Variants in GTF2H1 observed in about 807,000 individuals in gnomAD.
GTF2H1 encodes the protein general transcription factor IIH subunit 1, also known as BTF2 p62.
In GTF2H1, 16 loss-of-function variants were observed where a neutral mutation model predicts 71.2. The observed-to-expected ratio is 0.22, with a 90% CI of 0.15 to 0.34. The LOEUF is 0.34. Among genes scored for constraint, GTF2H1 ranks in the 10% least tolerant of loss-of-function variants. The probability of loss-of-function intolerance (pLI) is 1.00; values close to 1 mark genes in which losing one functional copy is unlikely to be tolerated. For synonymous variants in GTF2H1, 215 were observed against 219.0 expected, an observed-to-expected ratio of 0.98 and a Z score of 0.16; for missense variants, 498 against 648.2, an observed-to-expected ratio of 0.77 and a Z score of 2.52.
Position 18,366,538 on chromosome 11 carries a change from G to A in GTF2H1, c.*669G>A, listed in dbSNP as rs1012118500. On this transcript the variant is annotated 3_prime_UTR_variant, in exon 15 of 15. Transcript: ENST00000265963. ...ACGGAAATAAGAAACGATAAATATTGCACTGAATGTTTGTGGTTTGGAGTC... is the reference window on the plus strand; with the variant it reads ...ACGGAAATAAGAAACGATAAATATTACACTGAATGTTTGTGGTTTGGAGTC... 1.3e-5 allele frequency: 2 copies of A among 152,590 alleles called. No homozygotes were observed. Among genetic ancestry groups the A allele is most frequent in the East Asian group, 1.9e-4 (1 of 5,198 alleles). The allele number at this position is 152,590 out of a possible 1,614,324, so 9.5% of individuals were successfully genotyped here. A position where few individuals can be genotyped will look rare whatever the true frequency, so the allele number is the denominator to read the frequency against.
intron 2 of GTF2H1, among the ~76,000 whole-genome samples, chr11:18,334,717 TATC>T (rs1437274275): frequency 3.9e-5 from 6 of 152,248 alleles, no homozygotes; most frequent in Non-Finnish European, 8.8e-5. Context: ...ATTTAGTTCT[TATC>T]ATAGCTGACA....
intron 5 of GTF2H1, 118 bp from the exon 6 acceptor site, chr11:18,341,138 TTATAG>T (rs1392003278): frequency 3.0e-6 from 2 of 672,962 alleles, no homozygotes; most frequent in South Asian, 2.0e-5. Context: ...AGATTATAAC[TTATAG>T]TATGTAGAGT....
At chr11:18,332,557 G>A (rs187707836) in intron 1 of GTF2H1, 3 of 152,402 alleles carry the variant, frequency 2.0e-5, no homozygotes, top group African/African-American at 7.2e-5. Context: ...TAAATATTTA[G>A]TTCTCTCAGT....
intron 7 of GTF2H1, among the ~76,000 whole-genome samples, chr11:18,344,738 G>T (rs1401724507): frequency 6.6e-6 from 1 of 151,832 alleles, no homozygotes; most frequent in African/African-American, 2.4e-5. Flanking sequence ...AAGACTGCTA[G>T]ATTTGGCTCC....
chr11:18,340,551 G>C (rs993307315), intron 5 of GTF2H1, among the ~76,000 whole-genome samples: 1 of 152,154 alleles, frequency 6.6e-6, no homozygotes, highest in African/African-American at 2.4e-5. Flanking sequence ...GCCTCCCAAA[G>C]TGCTGAGATT....
chr11:18,347,791 G>A (rs1865332204), intron 8 of GTF2H1, 41 bp from the exon 9 acceptor site: 1 of 1,595,046 alleles, frequency 6.3e-7, no homozygotes, highest in Non-Finnish European at 8.6e-7. Context: ...TGTTTTGCTT[G>A]TGGTTTTTAA....
chr11:18,363,021 A>G (rs890784157), intron 14 of GTF2H1, among the ~76,000 whole-genome samples: 1 of 151,880 alleles, frequency 6.6e-6, no homozygotes, highest in Non-Finnish European at 1.5e-5. Context: ...GTTAAAAACT[A>G]AGACACAAAC....
chr11:18,343,498 T>A (rs1203850561), intron 7 of GTF2H1, among the ~76,000 whole-genome samples: 1 of 152,196 alleles, frequency 6.6e-6, no homozygotes, highest in East Asian at 1.9e-4. Context: ...TTATAGTAAC[T>A]ATCACAGGCT....
chr11:18,335,992 A>G (rs548869854), intron 3 of GTF2H1, 46 bp downstream of exon 3: 21 of 1,427,038 alleles, frequency 1.5e-5, no homozygotes, highest in African/African-American at 5.7e-5. Flanking sequence ...TGGGTTCTCT[A>G]TAGTCTCCTA....
intron 9 of GTF2H1, 81 bp downstream of exon 9, chr11:18,348,000 A>G (rs1865337844): frequency 1.1e-6 from 1 of 880,036 alleles, no homozygotes; most frequent in African/African-American, 1.7e-5. Context: ...GTATACGCTT[A>G]TTTCCTGTGA....
At chr11:18,357,886 GAA>G (rs1034909089) in intron 11 of GTF2H1, 64 bp from the exon 12 acceptor site, 12 of 891,848 alleles carry the variant, frequency 1.3e-5, no homozygotes, top group African/African-American at 8.3e-5. Context: ...AAAATGTTAA[GAA>G]AGAGAGGTGG....
intron 4 of GTF2H1, among the ~76,000 whole-genome samples, chr11:18,338,646 T>C (rs1865088117): frequency 6.6e-6 from 1 of 152,100 alleles, no homozygotes; most frequent in South Asian, 2.1e-4. Context: ...GGCAGCTCTT[T>C]TTGTATTTCC....
intron 1 of GTF2H1, 38 bp downstream of exon 1, chr11:18,322,778 T>TGGGCGGGTGAGGAGCTGACAGGCCTGGG (rs1564998176): frequency 1.6e-4 from 1 of 6,378 alleles, no homozygotes; most frequent in Non-Finnish European, 3.1e-4. Flanking sequence ...GGCGGGTGGG[T>TGGGCGGGTGAGGAGCTGACAGGCCTGGG]GGGCGGGTGA....
At chr11:18,364,634 C>T (rs1865777955) in intron 14 of GTF2H1, among the ~76,000 whole-genome samples, 1 of 152,040 alleles carries the variant, frequency 6.6e-6, no homozygotes, top group South Asian at 2.1e-4. Flanking sequence ...TGACTTCTAG[C>T]TATGTCCATG....
intron 2 of GTF2H1, 146 bp from the exon 3 acceptor site, chr11:18,335,608 G>A: frequency 3.3e-6 from 2 of 604,160 alleles, no homozygotes; most frequent in Non-Finnish European, 6.0e-6. Flanking sequence ...CATTTAAGAA[G>A]AGTGCATTCT....
Position 18,358,017 on chromosome 11 carries a change from G to A in GTF2H1, c.1326G>A (p.Gln442=), listed in dbSNP as rs1451492853. The change falls in exon 12 of 15, where the codon CAG becomes CAA. Residue 442 remains glutamine, a synonymous_variant. Coordinates refer to ENST00000265963, the MANE Select transcript of GTF2H1 (RefSeq NM_005316.4). ...TGTCACCTGGAGGGGCACTTATGCA[G>A]GGAGGAACACAGCAAGCCATAAACC... ...TALSPGGALM[Q]GGTQQAINQM... is the part of the protein sequence containing the mutation. 2 of 1,612,264 alleles carry A rather than the reference G, an allele frequency of 1.2e-6. No homozygotes were observed. Among genetic ancestry groups the A allele is most frequent in the East Asian group, 2.2e-5 (1 of 44,884 alleles).
intron 1 of GTF2H1, among the ~76,000 whole-genome samples, chr11:18,329,479 T>C (rs1233959547): frequency 6.6e-6 from 1 of 152,246 alleles, no homozygotes; most frequent in African/African-American, 2.4e-5. Flanking sequence ...GCTGCTTCAG[T>C]GGTCCTCCTT....
chr11:18,327,840 C>T (rs909175343), intron 1 of GTF2H1, among the ~76,000 whole-genome samples: 1 of 152,176 alleles, frequency 6.6e-6, no homozygotes, highest in African/African-American at 2.4e-5. Flanking sequence ...CTGTCCGCCT[C>T]GGCTTCCTAA....
intron 14 of GTF2H1, among the ~76,000 whole-genome samples, chr11:18,365,300 C>T (rs551932172): frequency 7.9e-5 from 12 of 152,108 alleles, no homozygotes; most frequent in Admixed American, 3.3e-4. Flanking sequence ...ACTGCTTGGA[C>T]CTGTGAGGTG....
Sources: allele counts gnomAD v4.1 joint callset (sites outside exome capture counted in the v4.1 genomes callset), GRCh38; gene constraint gnomAD v4.1.1; transcripts MANE v1.5; gene names NCBI Gene and HGNC (gene_info 2026-07-23, HGNC 2026-07-21).